Variants in SLC25A26 observed in about 807,000 individuals in gnomAD.
The protein encoded by SLC25A26 is solute carrier family 25 member 26.
In SLC25A26, 36 loss-of-function variants were observed where a neutral mutation model predicts 37.8. The ratio of observed to expected loss-of-function variants is 0.95; its 90% confidence interval spans 0.73 to 1.26. The LOEUF (loss-of-function observed/expected upper bound fraction) is 1.26. Among genes scored for constraint, SLC25A26 ranks in the 50% most tolerant of loss-of-function variants. SLC25A26 has a pLI of 0.00. For missense variants in SLC25A26, 390 were observed against 331.1 expected, an observed-to-expected ratio of 1.18 and a Z score of -1.38; for synonymous variants, 129 against 122.5, an observed-to-expected ratio of 1.05 and a Z score of -0.35.
chr3:66,253,840 A>G (rs2073192461), intron 3 of SLC25A26, among the ~76,000 whole-genome samples: 1 of 152,096 alleles, frequency 6.6e-6, no homozygotes, highest in African/African-American at 2.4e-5. Context: ...GATGTTTGTC[A>G]CCTCCTGTGA....
chr3:66,217,765 G>T (rs2106850685), upstream of SLC25A26, among the ~76,000 whole-genome samples: 1 of 152,132 alleles, frequency 6.6e-6, no homozygotes, highest in East Asian at 1.9e-4. Context: ...GGCCAGGCTG[G>T]TCTCAAACTT....
At chr3:66,213,919 C>T (rs2071322254) in intron 1 of SLC25A26, among the ~76,000 whole-genome samples, 1 of 151,964 alleles carries the variant, frequency 6.6e-6, no homozygotes, top group African/African-American at 2.4e-5. Flanking sequence ...AACAGAGTGA[C>T]ACTCCATCTC....
At chr3:66,182,486 T>C (rs559373112) in intron 1 of SLC25A26, among the ~76,000 whole-genome samples, 84 of 152,216 alleles carry the variant, frequency 5.5e-4, no homozygotes, top group African/African-American at 1.8e-3. Context: ...ATTAGGGATT[T>C]GAATCTAAAA....
intron 5 of SLC25A26, among the ~76,000 whole-genome samples, chr3:66,288,867 G>C (rs2074605990): frequency 6.6e-6 from 1 of 152,116 alleles, no homozygotes; most frequent in Non-Finnish European, 1.5e-5. Flanking sequence ...GGGTCAAATG[G>C]TATTTCTGGT....
chr3:66,369,550 G>A lies in SLC25A26; in HGVS notation c.633+8G>A. 5.0e-6 allele frequency: 8 copies of A among 1,584,994 alleles called. No homozygotes were observed. Among genetic ancestry groups the A allele is most frequent in the Non-Finnish European group, 5.2e-6 (6 of 1,163,198 alleles). On this transcript the variant is annotated splice_region_variant and intron_variant, in intron 8 of 9. Transcript: ENST00000354883. ...AGAATTACGCTGGCAAAGGTAAGTG[G>A]TGAAATAATGTAATGGAGATACTTC... is the stretch of plus-strand genomic sequence containing the variant.
chr3:66,201,661 C>G (rs1239224463), intron 1 of SLC25A26, among the ~76,000 whole-genome samples: 9 of 152,180 alleles, frequency 5.9e-5, no homozygotes. Context: ...TAGATAGACT[C>G]TGTTTTAAAC....
rs2070824359 is a variant in SLC25A26 at position 66,186,225 on chromosome 3, TG to T, written c.-353-34516del. ...CTAAACATGACCCTCACACTGACCCTGATTTCCACCCTTATGAAGACCCTGA... is the reference window on the plus strand; with the variant it reads ...CTAAACATGACCCTCACACTGACCCTATTTCCACCCTTATGAAGACCCTGA... On this transcript the variant is annotated intron_variant, in intron 1 of 10. Transcript: ENST00000676754. 7.2e-5 allele frequency among the ~76,000 whole-genome samples: 11 copies of T among 152,168 alleles called. No individual in the cohort carries two copies. In the South Asian group the frequency reaches 2.3e-3, roughly 32 times the overall value.
intron 9 of SLC25A26, among the ~76,000 whole-genome samples, chr3:66,374,024 A>C (rs1373977039): frequency 6.7e-6 from 1 of 149,694 alleles, no homozygotes; most frequent in African/African-American, 2.6e-5. Context: ...CCTGTATCTT[A>C]AAGGATGCAT....
intron 5 of SLC25A26, among the ~76,000 whole-genome samples, chr3:66,273,889 G>GA (rs1238965350): frequency 6.6e-6 from 1 of 151,946 alleles, no homozygotes; most frequent in Non-Finnish European, 1.5e-5. Context: ...CACAGAATTG[G>GA]AAAAAACTAC....
In SLC25A26 at chr3:66,327,885, A is replaced by ATTT. The variant is rs56004357; in HGVS notation, c.454-18469_454-18467dup. ...ATTGCTTTATTATTACAAGTAGGGGATTTTTTTTTTTTGCCACTTTAATGA... is the reference window on the plus strand; with the variant it reads ...ATTGCTTTATTATTACAAGTAGGGGATTTTTTTTTTTTTTTGCCACTTTAATGA... On this transcript the variant is annotated intron_variant, in intron 5 of 9. Coordinates refer to ENST00000354883, the MANE Select transcript of SLC25A26 (RefSeq NM_001379210.1). Among the ~76,000 whole-genome samples, 163 of 146,318 alleles carry ATTT rather than the reference A, an allele frequency of 1.1e-3. 1 individual carries two copies. Among genetic ancestry groups the ATTT allele is most frequent in the South Asian group, 5.4e-3 (25 of 4,670 alleles).
chr3:66,142,417 C>A (rs1244006731), intron 1 of SLC25A26, among the ~76,000 whole-genome samples: 1 of 152,192 alleles, frequency 6.6e-6, no homozygotes, highest in Non-Finnish European at 1.5e-5. Flanking sequence ...ACCTTCCTCC[C>A]ACCCTTCACC....
intron 1 of SLC25A26, among the ~76,000 whole-genome samples, chr3:66,206,894 C>CTCT (rs1559576365): frequency 8.0e-6 from 1 of 124,576 alleles, no homozygotes; most frequent in Non-Finnish European, 1.7e-5. Context: ...TTCTTTCTTT[C>CTCT]TTTTTTTTTT....
At chr3:66,355,042 A>G (rs2076544436) in intron 6 of SLC25A26, among the ~76,000 whole-genome samples, 1 of 152,144 alleles carries the variant, frequency 6.6e-6, no homozygotes, top group African/African-American at 2.4e-5. Flanking sequence ...AGAACCACAG[A>G]TAGAAAGCTC....
intron 5 of SLC25A26, among the ~76,000 whole-genome samples, chr3:66,338,477 G>C (rs546557560): frequency 2.0e-5 from 3 of 151,848 alleles, no homozygotes; most frequent in Non-Finnish European, 4.4e-5. Flanking sequence ...TGCCATTTTA[G>C]TGGATAACAG....
At chr3:66,373,946 G>C (rs1373129708) in intron 9 of SLC25A26, among the ~76,000 whole-genome samples, 1 of 151,904 alleles carries the variant, frequency 6.6e-6, no homozygotes, top group South Asian at 2.1e-4. Context: ...GCTGGGAGCA[G>C]CCTGCAGGGA....
rs1425707005 is a variant in SLC25A26 at position 66,267,374 on chromosome 3, GC to G, written c.453+3997del. On this transcript the variant is annotated intron_variant, in intron 5 of 9. Transcript: ENST00000354883. ...TTCATGACCATAGAAGAGAGTGCAA[GC>G]CAAGGGAGGGCCTTCAAGAGAGCAC... is the stretch of plus-strand genomic sequence containing the variant. Among the ~76,000 whole-genome samples the G allele has an allele frequency of 2.0e-5, 3 of 152,324 alleles. No individual in the cohort carries two copies. The East Asian group carries it at 5.8e-4, about 29-fold the overall frequency.
At chr3:66,327,665 A>T (rs2075871677) in intron 5 of SLC25A26, among the ~76,000 whole-genome samples, 1 of 151,894 alleles carries the variant, frequency 6.6e-6, no homozygotes, top group Non-Finnish European at 1.5e-5. Flanking sequence ...TTTGTTTATT[A>T]GTTGGTGGTA....
intron 5 of SLC25A26, among the ~76,000 whole-genome samples, chr3:66,338,082 T>A (rs190315299): frequency 6.6e-6 from 1 of 152,232 alleles, no homozygotes; most frequent in Admixed American, 6.5e-5. Flanking sequence ...TCTGGAATTT[T>A]ATATGAATAG....
At chr3:66,207,102 A>G (rs2071191200) in intron 1 of SLC25A26, among the ~76,000 whole-genome samples, 6 of 151,248 alleles carry the variant, frequency 4.0e-5, no homozygotes, top group Non-Finnish European at 1.5e-5. Context: ...AAAACCTAAT[A>G]CGATATTTTC....
Sources: allele counts gnomAD v4.1 joint callset (sites outside exome capture counted in the v4.1 genomes callset), GRCh38; gene constraint gnomAD v4.1.1; transcripts MANE v1.5; gene names NCBI Gene and HGNC (gene_info 2026-07-23, HGNC 2026-07-21).